Variants in KCTD1 observed in about 807,000 individuals in gnomAD.
The protein encoded by KCTD1 is BTB/POZ domain-containing protein KCTD1.
A neutral mutation model predicts 66.0 loss-of-function variants in KCTD1; 24 were observed. That is an observed-to-expected ratio of 0.36 (90% CI 0.26 to 0.51). The LOEUF is 0.51. Ranked by LOEUF, KCTD1 falls within the 20% of genes least tolerant of loss-of-function variation. The probability of loss-of-function intolerance (pLI) is 0.95; values close to 1 mark genes in which losing one functional copy is unlikely to be tolerated. For synonymous variants in KCTD1, 511 were observed against 517.2 expected, an observed-to-expected ratio of 0.99 and a Z score of 0.16; for missense variants, 943 against 1,205.2, an observed-to-expected ratio of 0.78 and a Z score of 3.22.
At chr18:26,467,935 A>G (rs1186029992) in intron 3 of KCTD1, among the ~76,000 whole-genome samples, 2 of 152,242 alleles carry the variant, frequency 1.3e-5, no homozygotes, top group African/African-American at 4.8e-5. Context: ...GGAATGGTGG[A>G]CATACAGACA....
chr18:26,462,273 G>A (rs1980474901), intron 3 of KCTD1, among the ~76,000 whole-genome samples: 1 of 152,214 alleles, frequency 6.6e-6, no homozygotes, highest in Admixed American at 6.5e-5. Context: ...CTGGGATCCT[G>A]CTAGGGTTTA....
intron 1 of KCTD1, among the ~76,000 whole-genome samples, chr18:26,608,996 T>C (rs1987076766): frequency 6.6e-6 from 1 of 152,202 alleles, no homozygotes; most frequent in African/African-American, 2.4e-5. Context: ...GCTTGTTTTA[T>C]AGATATTGAA....
intron 1 of KCTD1, among the ~76,000 whole-genome samples, chr18:26,571,099 C>G (rs1047934081): frequency 2.3e-4 from 35 of 152,122 alleles, no homozygotes; most frequent in African/African-American, 8.4e-4. Flanking sequence ...AATGTAAAAG[C>G]TTAATAGTAG....
chr18:26,521,516 A>G (rs1403657359), intron 1 of KCTD1, among the ~76,000 whole-genome samples: 3 of 152,240 alleles, frequency 2.0e-5, no homozygotes, highest in Admixed American at 6.5e-5. Context: ...GGATTTAATG[A>G]GGGTATGAGG....
chr18:26,600,363 C>A, intron 1 of KCTD1: 1 of 1,249,794 alleles, frequency 8.0e-7, no homozygotes, highest in Non-Finnish European at 1.2e-6. Flanking sequence ...ACATGGGACC[C>A]ATCTGCTCCT....
chr18:26,573,166 T>C (rs935438315), intron 1 of KCTD1, among the ~76,000 whole-genome samples: 3 of 152,154 alleles, frequency 2.0e-5, no homozygotes, highest in African/African-American at 7.2e-5. Context: ...TAGTTTCACC[T>C]ATAACCTCAA....
intron 1 of KCTD1, among the ~76,000 whole-genome samples, chr18:26,634,685 G>A (rs564022923): frequency 5.5e-4 from 83 of 152,264 alleles, no homozygotes; most frequent in African/African-American, 1.9e-3. Context: ...GATTAAACTA[G>A]AACTTCAGAG....
intron 1 of KCTD1, among the ~76,000 whole-genome samples, chr18:26,582,246 C>T: frequency 6.7e-6 from 1 of 149,394 alleles, no homozygotes; most frequent in Non-Finnish European, 1.5e-5. Context: ...GCACTCCAAC[C>T]TAGGTGACAG....
At chr18:26,482,131 C>T (rs1422258309) in intron 2 of KCTD1, among the ~76,000 whole-genome samples, 7 of 152,160 alleles carry the variant, frequency 4.6e-5, no homozygotes, top group Non-Finnish European at 8.8e-5. Flanking sequence ...ACCATGCTGC[C>T]CCTGTGGTGA....
intron 3 of KCTD1, among the ~76,000 whole-genome samples, chr18:26,464,409 C>G (rs1181856551): frequency 6.6e-6 from 1 of 152,202 alleles, no homozygotes; most frequent in Non-Finnish European, 1.5e-5. Flanking sequence ...CTGGATTATC[C>G]AGGCTAATCC....
At chr18:26,623,201 T>G (rs1188717429) in intron 1 of KCTD1, among the ~76,000 whole-genome samples, 1 of 152,210 alleles carries the variant, frequency 6.6e-6, no homozygotes, top group Non-Finnish European at 1.5e-5. Context: ...GTCTGCAAAC[T>G]GCTGCCAACT....
At chr18:26,641,468 T>A (rs945632354), upstream of KCTD1, among the ~76,000 whole-genome samples, 7 of 152,234 alleles carry the variant, frequency 4.6e-5, no homozygotes, top group African/African-American at 7.2e-5. Context: ...TCTTTCCTGT[T>A]GGGCTAGCAT....
At chr18:26,640,757 T>C (rs1472236951), upstream of KCTD1, among the ~76,000 whole-genome samples, 1 of 151,984 alleles carries the variant, frequency 6.6e-6, no homozygotes, top group Non-Finnish European at 1.5e-5. Context: ...GGGTGTGCAC[T>C]GGGCAGGTAG....
intron 2 of KCTD1, among the ~76,000 whole-genome samples, chr18:26,497,814 T>G (rs1206881992): frequency 6.6e-6 from 1 of 152,136 alleles, no homozygotes; most frequent in Non-Finnish European, 1.5e-5. Flanking sequence ...CTCCTAATGA[T>G]AAGGATGTCT....
intron 1 of KCTD1, among the ~76,000 whole-genome samples, chr18:26,656,893 G>C (rs1988160961): frequency 6.7e-6 from 1 of 149,836 alleles, no homozygotes; most frequent in African/African-American, 2.4e-5. Context: ...GCTCGGGGGA[G>C]GAGGGAGGGG....
upstream of KCTD1, among the ~76,000 whole-genome samples, chr18:26,644,108 C>T (rs1987888277): frequency 6.6e-6 from 1 of 152,144 alleles, no homozygotes; most frequent in Admixed American, 6.5e-5. Context: ...ATCCCCGTTT[C>T]CCCTAGAAAG....
chr18:26,493,335 C>T (rs16942364), intron 2 of KCTD1, among the ~76,000 whole-genome samples: 83,787 of 151,974 alleles, frequency 0.55, 23,698 homozygotes, highest in Non-Finnish European at 0.62. Context: ...ACAAAATCTG[C>T]TTCTAAATCT....
intron 1 of KCTD1, among the ~76,000 whole-genome samples, chr18:26,616,462 C>T (rs1024891972): frequency 1.4e-5 from 2 of 147,520 alleles, no homozygotes; most frequent in Non-Finnish European, 1.5e-5. Flanking sequence ...CCCTTACATA[C>T]ATATATATAT....
intron 1 of KCTD1, among the ~76,000 whole-genome samples, chr18:26,509,046 A>G (rs1171561494): frequency 6.6e-6 from 1 of 152,150 alleles, no homozygotes; most frequent in African/African-American, 2.4e-5. Flanking sequence ...TTCAAGTGCT[A>G]TTTATTGGGC....
Sources: allele counts gnomAD v4.1 joint callset (sites outside exome capture counted in the v4.1 genomes callset), GRCh38; gene constraint gnomAD v4.1.1; transcripts MANE v1.5; gene names NCBI Gene and HGNC (gene_info 2026-07-23, HGNC 2026-07-21).